CADM2: variants seen among roughly 807,000 people sequenced by gnomAD.
CADM2 encodes immunoglobulin superfamily member 4D.
A neutral mutation model predicts 49.8 loss-of-function variants in CADM2; 12 were observed. The observed-to-expected ratio is 0.24, with a 90% CI of 0.15 to 0.39. CADM2 has a LOEUF of 0.39. CADM2 is among the 10% of genes least tolerant of loss of function. The probability of loss-of-function intolerance (pLI) is 1.00; values close to 1 mark genes in which losing one functional copy is unlikely to be tolerated. For synonymous variants in CADM2, 214 were observed against 175.4 expected (o/e 1.22, Z -1.74); for missense variants, 378 against 492.3 (o/e 0.77, Z 2.20).
At chr3:85,012,303 A>G (rs1206969363) in intron 1 of CADM2, among the ~76,000 whole-genome samples, 1 of 148,874 alleles carries the variant, frequency 6.7e-6, no homozygotes, top group Non-Finnish European at 1.5e-5. Context: ...CTATATTCCA[A>G]CTTTTTGCAA....
intron 2 of CADM2, among the ~76,000 whole-genome samples, chr3:85,731,592 A>G (rs1336811059): frequency 6.6e-6 from 1 of 152,148 alleles, no homozygotes; most frequent in East Asian, 1.9e-4. Flanking sequence ...TCCCAAAACT[A>G]AAACTTTTCT....
intron 1 of CADM2, among the ~76,000 whole-genome samples, chr3:85,007,869 T>A (rs529023148): frequency 6.6e-6 from 1 of 152,120 alleles, no homozygotes; most frequent in Non-Finnish European, 1.5e-5. Flanking sequence ...TGTTAGAAAA[T>A]CACTTCTGTT....
chr3:85,984,955 A>G (rs1034167261), intron 8 of CADM2, among the ~76,000 whole-genome samples: 10 of 151,988 alleles, frequency 6.6e-5, no homozygotes, highest in African/African-American at 2.2e-4. Context: ...CAGGAAAAAA[A>G]AGGATTTTTT....
intron 1 of CADM2, among the ~76,000 whole-genome samples, chr3:85,115,235 T>C (rs1255809578): frequency 6.6e-6 from 1 of 152,182 alleles, no homozygotes; most frequent in African/African-American, 2.4e-5. Context: ...ACAGTCAATC[T>C]GAGAAGGAAA....
chr3:85,383,525 T>TAC (rs2034027211), intron 1 of CADM2, among the ~76,000 whole-genome samples: 4 of 142,924 alleles, frequency 2.8e-5, no homozygotes, highest in Admixed American at 7.0e-5. Flanking sequence ...TGTATATATA[T>TAC]ATATATATAT....
At chr3:85,502,089 A>G (rs535621933) in intron 1 of CADM2, among the ~76,000 whole-genome samples, 4 of 152,312 alleles carry the variant, frequency 2.6e-5, no homozygotes, top group South Asian at 2.1e-4. Context: ...ACACATCACA[A>G]TGAAACTTTA....
At chr3:85,354,346 A>C (rs1159907236) in intron 1 of CADM2, among the ~76,000 whole-genome samples, 29 of 102,408 alleles carry the variant, frequency 2.8e-4, no homozygotes, top group East Asian at 9.4e-4. Flanking sequence ...CACTCCGGGG[A>C]CTGTTGTGGG....
At chr3:85,611,625 G>A (rs1187692888) in intron 1 of CADM2, among the ~76,000 whole-genome samples, 1 of 151,752 alleles carries the variant, frequency 6.6e-6, no homozygotes, top group Non-Finnish European at 1.5e-5. Flanking sequence ...CTGTCTGAGA[G>A]TGAAGAGCTT....
chr3:86,032,398 T>A (rs960757061), intron 8 of CADM2, among the ~76,000 whole-genome samples: 5 of 151,874 alleles, frequency 3.3e-5, no homozygotes, highest in African/African-American at 1.2e-4. Flanking sequence ...AAACTAGGCC[T>A]TTAAAGGATA....
intron 7 of CADM2, among the ~76,000 whole-genome samples, chr3:85,943,255 G>A (rs377251602): frequency 1.5e-5 from 2 of 136,656 alleles, no homozygotes; most frequent in South Asian, 2.4e-4. Context: ...AGATGAGTAG[G>A]TTGCAAAAAT....
intron 1 of CADM2, among the ~76,000 whole-genome samples, chr3:85,484,754 T>C (rs750797697): frequency 3.3e-5 from 5 of 152,000 alleles, no homozygotes; most frequent in Non-Finnish European, 7.4e-5. Context: ...ACTTTGATAT[T>C]CTTTATCCTT....
intron 8 of CADM2, among the ~76,000 whole-genome samples, chr3:85,988,710 G>A (rs986270022): frequency 2.6e-5 from 4 of 152,122 alleles, no homozygotes; most frequent in Non-Finnish European, 5.9e-5. Context: ...AAAGAATTAC[G>A]TTTGTGTCCA....
chr3:85,505,055 C>T (rs1052391301), intron 1 of CADM2, among the ~76,000 whole-genome samples: 4 of 152,158 alleles, frequency 2.6e-5, no homozygotes, highest in Non-Finnish European at 5.9e-5. Flanking sequence ...GCTGGCGCCT[C>T]TCCCTCCACA....
intron 2 of CADM2, among the ~76,000 whole-genome samples, chr3:85,785,417 G>C (rs1342833602): frequency 1.3e-5 from 2 of 152,028 alleles, no homozygotes; most frequent in Non-Finnish European, 2.9e-5. Context: ...GGAATTATTA[G>C]AATAGCCTGA....
At chr3:85,323,978 T>A (rs2044683882) in intron 1 of CADM2, among the ~76,000 whole-genome samples, 1 of 152,158 alleles carries the variant, frequency 6.6e-6, no homozygotes, top group South Asian at 2.1e-4. Flanking sequence ...AAATTTCCAA[T>A]ATAGTGGCTA....
At chr3:85,656,681 A>G (rs993321065) in intron 1 of CADM2, among the ~76,000 whole-genome samples, 2 of 152,164 alleles carry the variant, frequency 1.3e-5, no homozygotes, top group African/African-American at 4.8e-5. Flanking sequence ...AATTTCATAC[A>G]TGTTCAAGAA....
At chr3:85,601,173 T>TATATATATATACACAC (rs1469920736) in intron 1 of CADM2, among the ~76,000 whole-genome samples, 1 of 99,454 alleles carries the variant, frequency 1.0e-5, no homozygotes, top group Non-Finnish European at 1.9e-5. Context: ...TATATATATA[T>TATATATATATACACAC]ACACACACAC....
At chr3:85,131,593 G>A (rs183293328) in intron 1 of CADM2, among the ~76,000 whole-genome samples, 2 of 152,116 alleles carry the variant, frequency 1.3e-5, no homozygotes, top group East Asian at 3.9e-4. Flanking sequence ...TATATAGCGG[G>A]GCCCATGTTA....
At chr3:85,959,603 T>C (rs1724561453) in intron 7 of CADM2, among the ~76,000 whole-genome samples, 1 of 151,878 alleles carries the variant, frequency 6.6e-6, no homozygotes, top group South Asian at 2.1e-4. Flanking sequence ...CTCAGGAAAT[T>C]ACAGTCATGC....
Sources: gnomAD v4.1 joint callset for allele counts (sites outside exome capture counted in the v4.1 genomes callset) on GRCh38, gnomAD v4.1.1 for gene constraint, MANE v1.5 for transcripts, NCBI Gene and HGNC (gene_info 2026-07-23, HGNC 2026-07-21) for gene names.